CCDC126: variants seen among roughly 807,000 people sequenced by gnomAD.
CCDC126 encodes the protein coiled-coil domain containing 126.
A neutral mutation model predicts 11.7 loss-of-function variants in CCDC126; 5 were observed. The ratio of observed to expected loss-of-function variants is 0.43; its 90% confidence interval spans 0.22 to 0.90. The LOEUF (loss-of-function observed/expected upper bound fraction) is 0.90. Ranked by LOEUF, CCDC126 falls within the 40% of genes least tolerant of loss-of-function variation. The pLI is 0.27. For missense variants in CCDC126, 150 were observed against 163.1 expected (o/e 0.92, Z 0.44); for synonymous variants, 60 against 61.9 (o/e 0.97, Z 0.14).
intron 3 of CCDC126, among the ~76,000 whole-genome samples, chr7:23,620,103 G>A (rs1039062049): frequency 3.9e-5 from 6 of 152,174 alleles, no homozygotes; most frequent in Admixed American, 6.5e-5. Flanking sequence ...ACCCAGTAAT[G>A]GGATGGTTGG....
rs940116766 is a variant in CCDC126, at chr7:23,644,233, A to G, written c.*1118A>G. ...AAAATATAAACTATGAAGATTGACT[A>G]TCTTTTCAGGAAAAAAGCTGTATAT... is the stretch of plus-strand genomic sequence containing the variant. On this transcript the variant is annotated 3_prime_UTR_variant, in exon 4 of 4. Transcript: ENST00000307471. 2 of 152,436 alleles carry G rather than the reference A, an allele frequency of 1.3e-5. No homozygotes were observed. Among genetic ancestry groups the G allele is most frequent in the Non-Finnish European group, 2.9e-5 (2 of 67,920 alleles). 9.4% of individuals were successfully genotyped at this position (152,436 alleles called of 1,614,324 possible). A position where few individuals can be genotyped will look rare whatever the true frequency, so the allele number is the denominator to read the frequency against.
At chr7:23,628,714 GGACT>G (rs199959455) in intron 3 of CCDC126, among the ~76,000 whole-genome samples, 9,020 of 152,130 alleles carry the variant, frequency 0.059, 777 homozygotes, top group African/African-American at 0.19. Flanking sequence ...TGGAGAATCA[GGACT>G]TTACCTCCAC....
chr7:23,627,633 C>G (rs1783038010), intron 3 of CCDC126, among the ~76,000 whole-genome samples: 1 of 151,964 alleles, frequency 6.6e-6, no homozygotes, highest in African/African-American at 2.4e-5. Context: ...GGGTCTTGCT[C>G]TGTCACCCAG....
chr7:23,635,548 A>G (rs924242757), intron 3 of CCDC126, among the ~76,000 whole-genome samples: 2 of 152,340 alleles, frequency 1.3e-5, no homozygotes, highest in East Asian at 1.9e-4. Context: ...AAGAAATAAG[A>G]GTTTTGTTCT....
Position 23,627,152 on chromosome 7 carries a change from C to T in CCDC126, c.238+15599C>T, listed in dbSNP as rs148270664. On this transcript the variant is annotated intron_variant, in intron 3 of 3. Transcript: ENST00000307471. ...CAGTCCTTAACCACATCAGGCTTTCCGACTGACCCTGCTTTCTTTTAAGGG... is the reference window on the plus strand; with the variant it reads ...CAGTCCTTAACCACATCAGGCTTTCTGACTGACCCTGCTTTCTTTTAAGGG... Among the ~76,000 whole-genome samples, 361 of 152,274 alleles carry T rather than the reference C, an allele frequency of 2.4e-3. 2 individuals are homozygous for T. The highest frequency in any genetic ancestry group is 8.1e-3 in the African/African-American group (335 of 41,550).
rs116855827 is a variant in CCDC126, at chr7:23,610,748, C to T, written c.-145-423C>T. On this transcript the variant is annotated intron_variant, in intron 2 of 3. Coordinates refer to ENST00000307471, the MANE Select transcript of CCDC126 (RefSeq NM_138771.4). ...TTTTTAGACAGGCATTTTGATTTTC[C>T]GATCCTTTTTCTTTCCTTCTTCCTA... is the stretch of plus-strand genomic sequence containing the variant. Among the ~76,000 whole-genome samples the T allele has an allele frequency of 5.5e-3, 837 of 151,740 alleles. 3 individuals are homozygous for T. The highest frequency in any genetic ancestry group is 0.01 in the Non-Finnish European group (684 of 67,920).
intron 3 of CCDC126, among the ~76,000 whole-genome samples, chr7:23,631,495 G>A (rs531222015): frequency 3.9e-5 from 6 of 152,254 alleles, no homozygotes; most frequent in African/African-American, 7.2e-5. Flanking sequence ...GGCCAAGTGC[G>A]GTGGCTCACG....
chr7:23,607,607 T>C (rs1367965519), intron 2 of CCDC126, among the ~76,000 whole-genome samples: 3 of 152,238 alleles, frequency 2.0e-5, no homozygotes, highest in African/African-American at 7.2e-5. Context: ...ATTTTTCTTA[T>C]GTGAAATCAC....
rs192055162 is a variant in CCDC126, at chr7:23,615,353, T to C, written c.238+3800T>C. The stretch of plus-strand genomic sequence containing the variant: ...ATTGAAGAGAGTTGGGGTCTTGCTC[T>C]GGATTAGGCTTTGGCTTAAGAGAAT... On this transcript the variant is annotated intron_variant, in intron 3 of 3. Transcript: ENST00000307471. Among the ~76,000 whole-genome samples, 11 of 152,368 alleles carry C rather than the reference T, an allele frequency of 7.2e-5. No individual in the cohort carries two copies. In the East Asian group the frequency reaches 2.1e-3, roughly 29 times the overall value.
rs183483891 is a variant in CCDC126 at position 23,630,371 on chromosome 7, C to T, written c.239-12560C>T. On this transcript the variant is annotated intron_variant, in intron 3 of 3. Coordinates refer to ENST00000307471, the MANE Select transcript of CCDC126 (RefSeq NM_138771.4). The stretch of plus-strand genomic sequence containing the variant: ...AAAATTAGCTGCTTGTGGTTGTGCA[C>T]GCCTGTAATTCCAGCTACTCAGGAG... Among the ~76,000 whole-genome samples, 452 of 152,114 alleles carry T rather than the reference C, an allele frequency of 3.0e-3. 2 individuals carry two copies. The highest frequency in any genetic ancestry group is 4.9e-3 in the Non-Finnish European group (332 of 67,996).
At position 23,643,012 on chromosome 7, in the gene CCDC126, T is replaced by C; in HGVS notation, c.320T>C (p.Ile107Thr). ...AAGCTGGAGAACAAAGTTGACTATA[T>C]TGTTGTGAATGGCTCAGCAGCCAAC... ...LVKLENKVDY[I>T]VVNGSAANTT... is the part of the protein sequence containing the mutation. The change falls in exon 4 of 4, where the codon ATT becomes ACT. Residue 107 changes from isoleucine to threonine, a missense_variant. Coordinates refer to ENST00000307471, the MANE Select transcript of CCDC126 (RefSeq NM_138771.4). 6.2e-7 allele frequency: 1 copy of C among 1,614,184 alleles called. No individual in the cohort carries two copies. The highest frequency in any genetic ancestry group is 8.5e-7 in the Non-Finnish European group (1 of 1,180,012).
chr7:23,600,387 C>CA (rs1554359075), intron 2 of CCDC126, among the ~76,000 whole-genome samples: 1 of 140,904 alleles, frequency 7.1e-6, no homozygotes, highest in Non-Finnish European at 1.6e-5. Flanking sequence ...CCCCCCCCCC[C>CA]ACCACCATAT....
chr7:23,614,111 T>C (rs944086210), intron 3 of CCDC126, among the ~76,000 whole-genome samples: 4 of 152,216 alleles, frequency 2.6e-5, no homozygotes, highest in African/African-American at 9.6e-5. Flanking sequence ...TGATGGACTC[T>C]TCATGAAAGA....
intron 2 of CCDC126, among the ~76,000 whole-genome samples, chr7:23,601,055 T>TAAAAAAAAAA (rs578161504): frequency 7.5e-6 from 1 of 134,022 alleles, no homozygotes; most frequent in African/African-American, 2.7e-5. Flanking sequence ...TATCAATAAT[T>TAAAAAAAAAA]AAAAAAAAAA....
intron 3 of CCDC126, among the ~76,000 whole-genome samples, chr7:23,630,139 GCT>G (rs1364985698): frequency 6.6e-6 from 1 of 152,196 alleles, no homozygotes; most frequent in Non-Finnish European, 1.5e-5. Flanking sequence ...TATGCAGAAT[GCT>G]CTGTTTATCC....
chr7:23,627,059 G>A (rs937909486), intron 3 of CCDC126, among the ~76,000 whole-genome samples: 1 of 152,166 alleles, frequency 6.6e-6, no homozygotes, highest in Non-Finnish European at 1.5e-5. Context: ...GCTTCACACT[G>A]ACTGCTCTGG....
intron 2 of CCDC126, among the ~76,000 whole-genome samples, chr7:23,608,031 A>C (rs1035088523): frequency 6.6e-6 from 1 of 152,212 alleles, no homozygotes; most frequent in African/African-American, 2.4e-5. Flanking sequence ...ATATTTAATA[A>C]GTTTAAGGCG....
rs188432962 is a variant in CCDC126, at chr7:23,640,132, G to A, written c.239-2799G>A. Among the ~76,000 whole-genome samples the A allele has an allele frequency of 1.6e-3, 249 of 151,934 alleles. 2 individuals are homozygous for A. The highest frequency in any genetic ancestry group is 5.6e-3 in the African/African-American group (233 of 41,386). ...TGGGAGGTGGAGGTTGCAGTGATCC[G>A]AAATTGCTCCAGTGCACTCCAGCCT... is the stretch of plus-strand genomic sequence containing the variant. On this transcript the variant is annotated intron_variant, in intron 3 of 3. Transcript: ENST00000307471.
intron 3 of CCDC126, among the ~76,000 whole-genome samples, chr7:23,620,509 T>G (rs1195826856): frequency 6.6e-6 from 1 of 152,106 alleles, no homozygotes; most frequent in East Asian, 1.9e-4. Context: ...TTGCAAAAAT[T>G]TTCTCCCATT....
Sources: gnomAD v4.1 joint callset for allele counts (sites outside exome capture counted in the v4.1 genomes callset) on GRCh38, gnomAD v4.1.1 for gene constraint, MANE v1.5 for transcripts, NCBI Gene and HGNC (gene_info 2026-07-23, HGNC 2026-07-21) for gene names.